The following SORCS2 variants were observed in gnomAD, a reference collection of about 807,000 sequenced individuals.
The protein encoded by SORCS2 is sortilin related VPS10 domain containing receptor 2.
SORCS2 carries 100 observed loss-of-function variants against 141.6 expected under a neutral mutation model. The ratio of observed to expected loss-of-function variants is 0.71; its 90% CI spans 0.60 to 0.83. The LOEUF is 0.83. SORCS2 is among the 40% of genes least tolerant of loss of function. SORCS2 has a pLI of 0.00. For missense variants in SORCS2, 1,646 were observed against 1,560.2 expected (o/e 1.05, Z -0.93); for synonymous variants, 789 against 676.9 (o/e 1.17, Z -2.57).
chr4:7,329,464 AG>A, intron 1 of SORCS2, among the ~76,000 whole-genome samples: 1 of 152,302 alleles, frequency 6.6e-6, no homozygotes, highest in Non-Finnish European at 1.5e-5. Context: ...TGTGCCGCTG[AG>A]GGGGTCCCCT....
intron 2 of SORCS2, among the ~76,000 whole-genome samples, chr4:7,454,385 G>A (rs1272894089): frequency 7.3e-6 from 1 of 137,236 alleles, no homozygotes; most frequent in Non-Finnish European, 1.6e-5. Context: ...TTGGGGTCAG[G>A]TGCTGTGTGT....
chr4:7,244,161 C>T (rs1449732391), intron 1 of SORCS2, among the ~76,000 whole-genome samples: 1 of 152,220 alleles, frequency 6.6e-6, no homozygotes, highest in Non-Finnish European at 1.5e-5. Flanking sequence ...AGGGGCTGTG[C>T]TCCTCCCAGC....
At chr4:7,431,606 C>G (rs1278239643) in intron 2 of SORCS2, 1 of 152,164 alleles carries the variant, frequency 6.6e-6, no homozygotes, top group Non-Finnish European at 1.5e-5. Context: ...AGGCCAACAA[C>G]TTCGGGCCCC....
intron 4 of SORCS2, among the ~76,000 whole-genome samples, chr4:7,650,768 C>CAGCCCAGCCT (rs1560456391): frequency 1.4e-5 from 2 of 145,260 alleles, no homozygotes; most frequent in African/African-American, 2.6e-5. Context: ...CAGCCCAGCC[C>CAGCCCAGCCT]AGCCCAGCCT....
At chr4:7,724,479 G>GAT (rs200857467) in intron 19 of SORCS2, among the ~76,000 whole-genome samples, 20,515 of 108,450 alleles carry the variant, frequency 0.19, 3,301 homozygotes, top group Admixed American at 0.36. Context: ...TGGTGATGGT[G>GAT]GTGATGGTGG....
At position 7,648,559 on chromosome 4, in the gene SORCS2, C is replaced by T. The variant is rs1449050593; in HGVS notation, c.814-5575C>T. On this transcript the variant is annotated intron_variant, in intron 4 of 26. Transcript: ENST00000507866. The surrounding 1 kb of genome is among the most constrained non-coding windows in gnomAD (Gnocchi z 4.2). ...AACAAAACAGACCAACCCCTGCCCT[C>T]GTGGGGCCTCCTTTCTAGATGAGGA... 6.6e-6 allele frequency among the ~76,000 whole-genome samples: 1 copy of T among 151,172 alleles called. No homozygotes were observed. Among genetic ancestry groups the T allele is most frequent in the Admixed American group, 6.6e-5 (1 of 15,188 alleles).
chr4:7,370,631 G>T (rs1160020019), intron 1 of SORCS2, among the ~76,000 whole-genome samples: 1 of 152,230 alleles, frequency 6.6e-6, no homozygotes. Context: ...TCCTTGTGGG[G>T]CTCTTCCCCT....
intron 3 of SORCS2, among the ~76,000 whole-genome samples, chr4:7,630,608 T>C (rs996181687): frequency 6.6e-5 from 10 of 152,014 alleles, no homozygotes; most frequent in Non-Finnish European, 4.4e-5. Context: ...GCCGCCGGAG[T>C]GTGTGCTGAA....
intron 2 of SORCS2, among the ~76,000 whole-genome samples, chr4:7,491,489 C>T (rs796940206): frequency 6.6e-5 from 10 of 152,354 alleles, no homozygotes; most frequent in African/African-American, 1.9e-4. Context: ...GGCACCAGCA[C>T]GCGGCATGGC....
rs114010089 is a variant in SORCS2, at chr4:7,497,305, C to T, written c.549-34225C>T. On this transcript the variant is annotated intron_variant, in intron 2 of 26. Transcript: ENST00000507866. ...GGAGGGCCTCATTCAGCCTTCCCCGCAGCACAGCGTGGCAGGGTTGGTGCT... is the reference window on the plus strand; with the variant it reads ...GGAGGGCCTCATTCAGCCTTCCCCGTAGCACAGCGTGGCAGGGTTGGTGCT... 5.7e-3 allele frequency among the ~76,000 whole-genome samples: 862 copies of T among 152,370 alleles called. 9 individuals carry two copies. The highest frequency in any genetic ancestry group is 0.02 in the African/African-American group (825 of 41,592).
At chr4:7,716,555 AATCT>A (rs1184821780) in intron 17 of SORCS2, among the ~76,000 whole-genome samples, 3 of 151,146 alleles carry the variant, frequency 2.0e-5, no homozygotes, top group South Asian at 2.1e-4. Flanking sequence ...ACCATCCATC[AATCT>A]ATCCATCCAT....
Position 7,741,310 on chromosome 4 carries a change from A to C in SORCS2, c.*1046A>C, listed in dbSNP as rs941430341. ...AAGGGGAAACTGAGGCCCAGGGAGG[A>C]GAGTAACTGAAGGTCACAGCACGGT... On this transcript the variant is annotated 3_prime_UTR_variant, in exon 27 of 27. Transcript: ENST00000507866. 22 of 398,992 alleles carry C rather than the reference A, an allele frequency of 5.5e-5. No homozygotes were observed. The East Asian group carries it at 6.1e-4, about 11-fold the overall frequency. 24.7% of individuals were successfully genotyped at this position (398,992 alleles called of 1,614,324 possible). A position where few individuals can be genotyped will look rare whatever the true frequency, so the allele number is the denominator to read the frequency against.
intron 1 of SORCS2, among the ~76,000 whole-genome samples, chr4:7,353,543 T>G (rs1721077798): frequency 6.6e-6 from 1 of 152,212 alleles, no homozygotes; most frequent in African/African-American, 2.4e-5. Flanking sequence ...TAGTAGATGC[T>G]CAGTAAATCA....
chr4:7,569,958 C>T (rs1025930499), intron 3 of SORCS2, among the ~76,000 whole-genome samples: 1 of 152,160 alleles, frequency 6.6e-6, no homozygotes, highest in Non-Finnish European at 1.5e-5. Flanking sequence ...GCTCTGGTAG[C>T]GGCTGGATGA....
chr4:7,251,957 A>T (rs1194367363), intron 1 of SORCS2, among the ~76,000 whole-genome samples: 2 of 152,066 alleles, frequency 1.3e-5, no homozygotes, highest in Non-Finnish European at 1.5e-5. Context: ...GGACCTAATG[A>T]TGACAGCGGC....
At chr4:7,361,680 G>T (rs962746322) in intron 1 of SORCS2, among the ~76,000 whole-genome samples, 2 of 151,566 alleles carry the variant, frequency 1.3e-5, no homozygotes, top group Non-Finnish European at 2.9e-5. Flanking sequence ...GTGAGAGAAG[G>T]GGTGTGGGGG....
chr4:7,520,176 C>T (rs747159589), intron 2 of SORCS2, among the ~76,000 whole-genome samples: 13 of 152,348 alleles, frequency 8.5e-5, no homozygotes, highest in African/African-American at 1.9e-4. Context: ...AGAAGTTCCC[C>T]GCCCAGCCAC....
intron 2 of SORCS2, among the ~76,000 whole-genome samples, chr4:7,516,034 T>C (rs1285407874): frequency 6.6e-6 from 1 of 152,218 alleles, no homozygotes; most frequent in African/African-American, 2.4e-5. Flanking sequence ...GCGTTAGCAG[T>C]ACCCGTGATG....
chr4:7,645,145 A>T (rs190941663), intron 4 of SORCS2, among the ~76,000 whole-genome samples: 1 of 152,328 alleles, frequency 6.6e-6, no homozygotes, highest in Non-Finnish European at 1.5e-5. Context: ...CTCGCTTTTT[A>T]GGCATCTATT....
Sources: gnomAD v4.1 joint callset for allele counts (sites outside exome capture counted in the v4.1 genomes callset) on GRCh38, gnomAD v4.1.1 for gene constraint, Gnocchi (gnomAD v3.1) non-coding constraint, MANE v1.5 for transcripts, NCBI Gene and HGNC (gene_info 2026-07-23, HGNC 2026-07-21) for gene names.